Variants in CDYL observed in about 807,000 individuals in gnomAD.
The protein encoded by CDYL is chromodomain Y like, also known as chromodomain Y-like protein.
Under a neutral mutation model 47.3 loss-of-function variants are expected in CDYL, and 8 were observed. That is an observed-to-expected ratio of 0.17 (90% CI 0.10 to 0.31). CDYL has a LOEUF of 0.31. Among genes scored for constraint, CDYL ranks in the 10% least tolerant of loss-of-function variants. The probability of loss-of-function intolerance (pLI) is 1.00; values close to 1 mark genes in which losing one functional copy is unlikely to be tolerated. For synonymous variants in CDYL, 266 were observed against 265.0 expected (o/e 1.00, Z -0.04); for missense variants, 471 against 701.4 (o/e 0.67, Z 3.71).
At chr6:4,906,602 T>G (rs190756084) in intron 2 of CDYL, among the ~76,000 whole-genome samples, 1 of 152,222 alleles carries the variant, frequency 6.6e-6, no homozygotes, top group South Asian at 2.1e-4. Context: ...AACCACTCTT[T>G]TATTATGGAC....
At chr6:4,857,708 T>TA (rs1266897517) in intron 1 of CDYL, among the ~76,000 whole-genome samples, 1 of 152,234 alleles carries the variant, frequency 6.6e-6, no homozygotes, top group African/African-American at 2.4e-5. Flanking sequence ...TCTGTTTCAA[T>TA]ACAATCTGTC....
intron 2 of CDYL, among the ~76,000 whole-genome samples, chr6:4,727,235 C>G (rs1035019707): frequency 2.6e-5 from 4 of 152,114 alleles, no homozygotes; most frequent in African/African-American, 9.7e-5. Flanking sequence ...TGGGTTTCTT[C>G]CTTTCAACCT....
At chr6:4,942,318 C>G (rs1428470420) in intron 4 of CDYL, among the ~76,000 whole-genome samples, 1 of 152,126 alleles carries the variant, frequency 6.6e-6, no homozygotes, top group Non-Finnish European at 1.5e-5. Context: ...ACCTCCCTGA[C>G]CTGCCCCTGC....
intron 4 of CDYL, among the ~76,000 whole-genome samples, chr6:4,940,496 G>T (rs1758332393): frequency 6.6e-6 from 1 of 151,180 alleles, no homozygotes; most frequent in African/African-American, 2.4e-5. Context: ...AGGAAAAGCG[G>T]GAAGCAAACA....
chr6:4,728,237 G>A (rs1332117386), intron 2 of CDYL, among the ~76,000 whole-genome samples: 2 of 152,204 alleles, frequency 1.3e-5, no homozygotes, highest in Non-Finnish European at 2.9e-5. Flanking sequence ...ATTAGCCGTA[G>A]GCTGATCCAC....
intron 5 of CDYL, 29 bp from the exon 6 acceptor site, chr6:4,952,237 C>G (rs1324498110): frequency 6.2e-7 from 1 of 1,604,506 alleles, no homozygotes; most frequent in East Asian, 2.2e-5. Context: ...CACCGCAATT[C>G]ATATTACATC....
At chr6:4,839,755 T>C (rs1760432474) in intron 1 of CDYL, among the ~76,000 whole-genome samples, 1 of 152,214 alleles carries the variant, frequency 6.6e-6, no homozygotes, top group Non-Finnish European at 1.5e-5. Context: ...TTTTGGGTTC[T>C]TTATTCTGTT....
At chr6:4,899,048 A>T (rs2127492151) in intron 2 of CDYL, among the ~76,000 whole-genome samples, 1 of 152,318 alleles carries the variant, frequency 6.6e-6, no homozygotes, top group Middle Eastern at 3.4e-3. Flanking sequence ...GTACAGCCCT[A>T]GCCTTTTTGA....
At chr6:4,709,859 T>C (rs902512576) in intron 1 of CDYL, among the ~76,000 whole-genome samples, 2 of 152,222 alleles carry the variant, frequency 1.3e-5, no homozygotes, top group African/African-American at 4.8e-5. Flanking sequence ...TTTAAAGAAA[T>C]GAATAGAATC....
chr6:4,820,104 TC>T (rs1342883495), intron 1 of CDYL, among the ~76,000 whole-genome samples: 3 of 152,132 alleles, frequency 2.0e-5, no homozygotes, highest in Non-Finnish European at 4.4e-5. Context: ...TGGTGATTCA[TC>T]CTATGGCCAC....
chr6:4,906,307 C>T (rs1208843461), intron 2 of CDYL, among the ~76,000 whole-genome samples: 1 of 152,200 alleles, frequency 6.6e-6, no homozygotes, highest in African/African-American at 2.4e-5. Flanking sequence ...CCATGCTTGG[C>T]ATTACCTCTA....
chr6:4,788,752 T>C (rs571165085), intron 1 of CDYL, among the ~76,000 whole-genome samples: 1 of 151,484 alleles, frequency 6.6e-6, no homozygotes, highest in East Asian at 1.9e-4. Context: ...GCAGCAGAAG[T>C]GTGTAATTCA....
At chr6:4,819,231 G>A (rs1031949565) in intron 1 of CDYL, among the ~76,000 whole-genome samples, 7 of 149,948 alleles carry the variant, frequency 4.7e-5, no homozygotes, top group African/African-American at 1.7e-4. Context: ...TGTTATTTAT[G>A]TGCATTGGAT....
chr6:4,747,020 A>G (rs1757910257), intron 3 of CDYL, among the ~76,000 whole-genome samples: 1 of 152,142 alleles, frequency 6.6e-6, no homozygotes, highest in Non-Finnish European at 1.5e-5. Context: ...AAAAATTCAT[A>G]GGCATTGGTC....
chr6:4,709,007 A>G (rs879447671), intron 1 of CDYL, among the ~76,000 whole-genome samples: 2 of 151,834 alleles, frequency 1.3e-5, no homozygotes, highest in Admixed American at 6.6e-5. Context: ...ACCCTGTCTT[A>G]AAAAAAATAA....
intron 1 of CDYL, among the ~76,000 whole-genome samples, chr6:4,795,861 A>G (rs184166485): frequency 1.3e-5 from 2 of 152,116 alleles, no homozygotes; most frequent in African/African-American, 2.4e-5. Context: ...TTGTTCTTTC[A>G]TGAACATTAT....
At chr6:4,852,843 G>T (rs1362515389) in intron 1 of CDYL, among the ~76,000 whole-genome samples, 1 of 151,158 alleles carries the variant, frequency 6.6e-6, no homozygotes, top group Non-Finnish European at 1.5e-5. Flanking sequence ...CTGTCACCCA[G>T]GCTGGAGTGC....
At chr6:4,782,673 A>G (rs933663878) in intron 1 of CDYL, among the ~76,000 whole-genome samples, 1 of 152,196 alleles carries the variant, frequency 6.6e-6, no homozygotes, top group African/African-American at 2.4e-5. Context: ...AAACAAGTAC[A>G]TATGAGCATA....
At chr6:4,892,473 G>A in intron 2 of CDYL, 94 bp downstream of exon 2, 1 of 1,286,654 alleles carries the variant, frequency 7.8e-7, no homozygotes, top group Non-Finnish European at 1.1e-6. Flanking sequence ...CAGAGTCCGG[G>A]GCTTCTCACG....
Sources: gnomAD v4.1 joint callset for allele counts (sites outside exome capture counted in the v4.1 genomes callset) on GRCh38, gnomAD v4.1.1 for gene constraint, MANE v1.5 for transcripts, NCBI Gene and HGNC (gene_info 2026-07-23, HGNC 2026-07-21) for gene names.